Variants in KATNAL2 observed in about 807,000 individuals in gnomAD.
KATNAL2 encodes katanin p60 ATPase-containing subunit A-like 2.
KATNAL2 carries 52 observed loss-of-function variants against 76.3 expected under a neutral mutation model. The observed-to-expected ratio is 0.68, with a 90% CI of 0.55 to 0.86. The LOEUF is 0.86. Among genes scored for constraint, KATNAL2 ranks in the 40% least tolerant of loss-of-function variants. The pLI, the probability that KATNAL2 is intolerant of heterozygous loss-of-function variation, is 0.00. For synonymous variants in KATNAL2, 243 were observed against 244.2 expected, an observed-to-expected ratio of 1.00 and a Z score of 0.05; for missense variants, 660 against 668.9, an observed-to-expected ratio of 0.99 and a Z score of 0.15.
chr18:47,076,527 C>G lies in KATNAL2; in HGVS notation c.1101-824C>G, dbSNP rs2062231375. Reference sequence around the variant, plus strand: ...GTCGAGCTCTGTCCCCAGTTTCCCACAACCTTCATCGAGCTAATGTGAAGA... The same window carrying G: ...GTCGAGCTCTGTCCCCAGTTTCCCAGAACCTTCATCGAGCTAATGTGAAGA... On this transcript the variant is annotated intron_variant, in intron 14 of 17. Transcript: ENST00000683218. 2.0e-5 allele frequency: 3 copies of G among 152,168 alleles called. No individual in the cohort carries two copies. In the South Asian group the frequency reaches 6.2e-4, roughly 32 times the overall value. 9.4% of individuals were successfully genotyped at this position (152,168 alleles called of 1,614,324 possible). A position where few individuals can be genotyped will look rare whatever the true frequency, so the allele number is the denominator to read the frequency against.
intron 3 of KATNAL2, among the ~76,000 whole-genome samples, chr18:47,041,673 A>T (rs1029157447): frequency 6.6e-6 from 1 of 152,172 alleles, no homozygotes; most frequent in East Asian, 1.9e-4. Context: ...TCCCTGTGCC[A>T]GTTTCTCTGT....
intron 3 of KATNAL2, among the ~76,000 whole-genome samples, chr18:46,958,016 G>T (rs1599465836): frequency 6.6e-6 from 1 of 152,136 alleles, no homozygotes; most frequent in Non-Finnish European, 1.5e-5. Flanking sequence ...CTTTAATGTG[G>T]ATTGGCCTCA....
chr18:47,071,953 C>CTTTTTTTTTTTTT (rs574265545), intron 13 of KATNAL2, among the ~76,000 whole-genome samples: 6 of 43,950 alleles, frequency 1.4e-4, no homozygotes, highest in African/African-American at 4.8e-4. Context: ...CCAATTTCTT[C>CTTTTTTTTTTTTT]TTTTTTTTTT....
At chr18:47,071,700 G>C (rs1358409978) in intron 13 of KATNAL2, among the ~76,000 whole-genome samples, 1 of 151,948 alleles carries the variant, frequency 6.6e-6, no homozygotes, top group Non-Finnish European at 1.5e-5. Flanking sequence ...AGGAAACTCA[G>C]GAAGTTTATA....
chr18:47,037,567 G>C (rs1016525673), intron 3 of KATNAL2, among the ~76,000 whole-genome samples: 1 of 152,090 alleles, frequency 6.6e-6, no homozygotes, highest in Non-Finnish European at 1.5e-5. Flanking sequence ...AATTTTCTAG[G>C]TTAATTTGAA....
At chr18:47,080,447 T>C (rs1028277673) in intron 15 of KATNAL2, among the ~76,000 whole-genome samples, 1 of 152,212 alleles carries the variant, frequency 6.6e-6, no homozygotes, top group African/African-American at 2.4e-5. Context: ...AAAGAAACCC[T>C]GTACTCATTA....
At chr18:46,920,151 A>C in intron 1 of KATNAL2, 1 of 1,127,870 alleles carries the variant, frequency 8.9e-7, no homozygotes, top group South Asian at 1.3e-5. Context: ...GTTTGACTGC[A>C]AAGAGTTCTA....
At chr18:47,045,499 T>G (rs188660553) in intron 3 of KATNAL2, among the ~76,000 whole-genome samples, 1 of 152,006 alleles carries the variant, frequency 6.6e-6, no homozygotes, top group Non-Finnish European at 1.5e-5. Flanking sequence ...ATTTTTGTAG[T>G]TTTTGTAGAG....
chr18:46,955,585 G>A (rs1409267613), intron 3 of KATNAL2, among the ~76,000 whole-genome samples: 1 of 151,624 alleles, frequency 6.6e-6, no homozygotes, highest in Admixed American at 6.6e-5. Flanking sequence ...TTGGAAACAG[G>A]GTCTCACCGT....
chr18:47,084,473 T>C, intron 15 of KATNAL2: 1 of 696,724 alleles, frequency 1.4e-6, no homozygotes, highest in Admixed American at 2.0e-5. Flanking sequence ...AAATGAGATC[T>C]AGTGGCCTGG....
rs539967230 is a variant in KATNAL2 at position 47,100,273 on chromosome 18, G to T, written c.1394G>T (p.Gly465Val). The T allele has an allele frequency of 6.2e-7, 1 of 1,613,894 alleles. No individual in the cohort carries two copies. Among genetic ancestry groups the T allele is most frequent in the South Asian group, 1.1e-5 (1 of 91,066 alleles). The change falls in exon 17 of 18, where the codon GGC becomes GTC. Residue 465 changes from glycine to valine, a missense_variant. By Grantham distance (109) the Gly-to-Val change is moderately radical (BLOSUM62 -3). Coordinates refer to ENST00000683218, the MANE Select transcript of KATNAL2 (RefSeq NM_001387690.1). ...VLSQETEGYS[G>V]SDIKLVCREA... ...TTTCAGGAGACTGAGGGCTACTCAG[G>T]CTCAGATATTAAGCTCGTCTGCAGG... is the stretch of plus-strand genomic sequence containing the variant.
intron 3 of KATNAL2, among the ~76,000 whole-genome samples, chr18:46,952,050 G>A (rs1273783157): frequency 1.3e-5 from 2 of 152,126 alleles, no homozygotes; most frequent in African/African-American, 4.8e-5. Flanking sequence ...TGGGATTACA[G>A]GCATGAGCCA....
At chr18:47,084,847 TAAAAAAAAAA>T (rs34034453) in intron 15 of KATNAL2, among the ~76,000 whole-genome samples, 8 of 25,540 alleles carry the variant, frequency 3.1e-4, no homozygotes, top group Admixed American at 6.8e-4. Context: ...AGACTCTGTC[TAAAAAAAAAA>T]AAAAAAAAAA....
Position 46,946,916 on chromosome 18 carries a change from G to T in KATNAL2, c.44G>T (p.Arg15Leu). 1 of 1,531,756 alleles carries T rather than the reference G, an allele frequency of 6.5e-7. No individual in the cohort carries two copies. The highest frequency in any genetic ancestry group is 8.7e-7 in the Non-Finnish European group (1 of 1,142,910). The allele number at this position is 1,531,756 out of a possible 1,614,324, so 94.9% of individuals were successfully genotyped here. A position where few individuals can be genotyped will look rare whatever the true frequency, so the allele number is the denominator to read the frequency against. ...ACCCTGAAATTCACGCATCAGGCGC[G>T]GGAAGCGGTAAGGAACGCATATATA... ...YQTLKFTHQA[R>L]EACEMRTEAR... is the part of the protein sequence containing the mutation. The change falls in exon 3 of 18, where the codon CGG (arginine) becomes CTG (leucine). Residue 15 changes from arginine to leucine, a missense_variant. Coordinates refer to ENST00000683218, the MANE Select transcript of KATNAL2 (RefSeq NM_001387690.1).
chr18:47,099,411 C>G lies in KATNAL2; in HGVS notation c.1374+6C>G, dbSNP rs776515821. On this transcript the variant is annotated splice_donor_region_variant and intron_variant, in intron 16 of 17. Transcript: ENST00000683218. ...AGTACAGTGTGCTGAGCCAGGTCAG[C>G]TGCCCTGGAGAGGGGCACATGTAGG... 8 of 1,606,106 alleles carry G rather than the reference C, an allele frequency of 5.0e-6. No individual in the cohort carries two copies. In the African/African-American group the frequency reaches 8.0e-5, roughly 16 times the overall value.
At chr18:47,067,143 G>T in intron 11 of KATNAL2, 24 bp downstream of exon 11, 1 of 1,248,606 alleles carries the variant, frequency 8.0e-7, no homozygotes. Flanking sequence ...GCCTCTTGGG[G>T]GTTATTTCTG....
intron 11 of KATNAL2, 134 bp from the exon 12 acceptor site, chr18:47,069,086 C>T: frequency 1.6e-6 from 1 of 631,428 alleles, no homozygotes; most frequent in South Asian, 2.2e-5. Flanking sequence ...AAGCAGACAA[C>T]CTTAAGCAAA....
intron 1 of KATNAL2, among the ~76,000 whole-genome samples, chr18:46,935,555 C>G (rs1002071807): frequency 2.0e-5 from 3 of 152,060 alleles, no homozygotes. Context: ...TCCAGAGTAG[C>G]TCGTACTACA....
At chr18:47,042,013 C>G (rs2060981396) in intron 3 of KATNAL2, among the ~76,000 whole-genome samples, 1 of 151,910 alleles carries the variant, frequency 6.6e-6, no homozygotes, top group Admixed American at 6.6e-5. Flanking sequence ...TGTGAAGTGT[C>G]AGTTCATGTG....
Sources: allele counts gnomAD v4.1 joint callset (sites outside exome capture counted in the v4.1 genomes callset), GRCh38; gene constraint gnomAD v4.1.1; transcripts MANE v1.5; gene names NCBI Gene and HGNC (gene_info 2026-07-23, HGNC 2026-07-21).